The following GATAD2B variants were observed in gnomAD, a reference collection of about 807,000 sequenced individuals.
The protein encoded by GATAD2B is transcriptional repressor p66-beta.
A neutral mutation model predicts 64.3 loss-of-function variants in GATAD2B; 8 were observed. The observed-to-expected ratio is 0.12, with a 90% CI of 0.07 to 0.22. The LOEUF (loss-of-function observed/expected upper bound fraction) is 0.22, where lower values mean the gene tolerates loss of function less well. Ranked by LOEUF, GATAD2B falls within the 10% of genes least tolerant of loss-of-function variation. The pLI is 1.00. For missense variants in GATAD2B, 453 were observed against 752.0 expected (o/e 0.60, Z 4.65); for synonymous variants, 281 against 271.3 (o/e 1.04, Z -0.35).
intron 1 of GATAD2B, among the ~76,000 whole-genome samples, chr1:153,876,520 G>A (rs7414227): frequency 0.41 from 62,425 of 151,930 alleles, 13,959 homozygotes; most frequent in Non-Finnish European, 0.52. Context: ...CCTTGCAGTG[G>A]GTAACATACT....
chr1:153,847,837 A>G (rs1344826461), intron 1 of GATAD2B, among the ~76,000 whole-genome samples: 1 of 151,700 alleles, frequency 6.6e-6, no homozygotes, highest in Admixed American at 6.6e-5. Context: ...ATTCTGTGTA[A>G]TTTCTATTGT....
chr1:153,905,668 C>G (rs1197558823), intron 1 of GATAD2B, among the ~76,000 whole-genome samples: 1 of 151,214 alleles, frequency 6.6e-6, no homozygotes, highest in East Asian at 1.9e-4. Context: ...ATAGTGGCAC[C>G]TGCCTGTAAT....
chr1:153,889,797 C>T (rs563887999), intron 1 of GATAD2B: 2 of 158,532 alleles, frequency 1.3e-5, no homozygotes, highest in Middle Eastern at 3.3e-3. Flanking sequence ...TTACTTTGTA[C>T]TCTATTTGGG....
intron 2 of GATAD2B, among the ~76,000 whole-genome samples, chr1:153,824,362 G>A (rs1178664088): frequency 6.6e-6 from 1 of 152,104 alleles, no homozygotes; most frequent in African/African-American, 2.4e-5. Flanking sequence ...AGGTGTGGTG[G>A]CTCACGCCCA....
intron 1 of GATAD2B, among the ~76,000 whole-genome samples, chr1:153,845,819 C>T (rs1675666314): frequency 6.6e-6 from 1 of 151,884 alleles, no homozygotes; most frequent in Non-Finnish European, 1.5e-5. Context: ...TCCACAGTTC[C>T]AGCTACTCAG....
chr1:153,826,761 G>A (rs1022379633), intron 2 of GATAD2B, among the ~76,000 whole-genome samples: 1 of 151,230 alleles, frequency 6.6e-6, no homozygotes, highest in Non-Finnish European at 1.5e-5. Flanking sequence ...GCAACATAGT[G>A]AGACTCTGTC....
At chr1:153,823,093 T>C (rs10796956) in intron 2 of GATAD2B, among the ~76,000 whole-genome samples, 42,247 of 152,146 alleles carry the variant, frequency 0.28, 6,368 homozygotes, top group Admixed American at 0.39. Flanking sequence ...CCTCATTTCT[T>C]AATTTTAAAA....
At chr1:153,863,325 CA>C (rs1676375892) in intron 1 of GATAD2B, among the ~76,000 whole-genome samples, 1 of 151,666 alleles carries the variant, frequency 6.6e-6, no homozygotes. Flanking sequence ...ACTAAAAATG[CA>C]AAATTCTAAA....
At chr1:153,906,858 G>A (rs1677955463) in intron 1 of GATAD2B, among the ~76,000 whole-genome samples, 1 of 151,996 alleles carries the variant, frequency 6.6e-6, no homozygotes, top group Non-Finnish European at 1.5e-5. Context: ...TGTCTCCAAA[G>A]GAAATATACG....
chr1:153,882,484 G>A (rs2101940876), intron 1 of GATAD2B, among the ~76,000 whole-genome samples: 1 of 152,258 alleles, frequency 6.6e-6, no homozygotes, highest in South Asian at 2.1e-4. Flanking sequence ...ACACCGTTCA[G>A]GGCAGCTGAA....
chr1:153,870,112 G>A (rs770899355), intron 1 of GATAD2B, among the ~76,000 whole-genome samples: 18 of 152,130 alleles, frequency 1.2e-4, no homozygotes, highest in South Asian at 2.1e-4. Flanking sequence ...TATGCCCAGC[G>A]CTAATGTTTT....
At chr1:153,897,244 T>C (rs554109132) in intron 1 of GATAD2B, among the ~76,000 whole-genome samples, 1 of 152,102 alleles carries the variant, frequency 6.6e-6, no homozygotes, top group African/African-American at 2.4e-5. Flanking sequence ...TTAGCCAGGA[T>C]GGTCTCGATC....
intron 1 of GATAD2B, among the ~76,000 whole-genome samples, chr1:153,892,565 T>C (rs1677449510): frequency 1.3e-5 from 2 of 152,138 alleles, no homozygotes; most frequent in African/African-American, 4.8e-5. Flanking sequence ...AAAATCAGAA[T>C]TGATGGATAA....
chr1:153,898,304 C>T (rs1464276227), intron 1 of GATAD2B, among the ~76,000 whole-genome samples: 1 of 72,762 alleles, frequency 1.4e-5, no homozygotes, highest in Admixed American at 2.2e-4. Context: ...AACAGCCTGT[C>T]TCAAAAAAAA....
chr1:153,921,234 T>C (rs960254957), intron 1 of GATAD2B, among the ~76,000 whole-genome samples: 1 of 152,150 alleles, frequency 6.6e-6, no homozygotes, highest in Non-Finnish European at 1.5e-5. Flanking sequence ...ACCAACAACA[T>C]ATAGGCACCA....
chr1:153,819,760 G>T, intron 2 of GATAD2B, 25 bp from the exon 3 acceptor site: 1 of 1,569,484 alleles, frequency 6.4e-7, no homozygotes, highest in South Asian at 1.2e-5. Flanking sequence ...GAAAAAATAA[G>T]CTATTTCCAA....
intron 1 of GATAD2B, among the ~76,000 whole-genome samples, chr1:153,872,294 G>C (rs2101931132): frequency 6.7e-6 from 1 of 148,318 alleles, no homozygotes; most frequent in South Asian, 2.1e-4. Flanking sequence ...ACTCCAACCT[G>C]GGTGACAGAG....
At chr1:153,819,135 C>G (rs1012718152) in intron 3 of GATAD2B, among the ~76,000 whole-genome samples, 14 of 152,148 alleles carry the variant, frequency 9.2e-5, no homozygotes, top group Non-Finnish European at 1.9e-4. Context: ...GGACAGACCA[C>G]GTATAAATGC....
At chr1:153,870,899 A>ATT in intron 1 of GATAD2B, among the ~76,000 whole-genome samples, 1 of 152,120 alleles carries the variant, frequency 6.6e-6, no homozygotes, top group Non-Finnish European at 1.5e-5. Context: ...TTTCATACTG[A>ATT]TACTAGAGAG....
Sources: gnomAD v4.1 joint callset for allele counts (sites outside exome capture counted in the v4.1 genomes callset) on GRCh38, gnomAD v4.1.1 for gene constraint, MANE v1.5 for transcripts, NCBI Gene and HGNC (gene_info 2026-07-23, HGNC 2026-07-21) for gene names.